Variants in TCF20 observed in about 807,000 individuals in gnomAD.
TCF20 encodes transcription factor 20, also known as SPRE-binding protein.
A neutral mutation model predicts 148.6 loss-of-function variants in TCF20; 3 were observed. That is an observed-to-expected ratio of 0.02 (90% CI 0.01 to 0.05). The LOEUF is 0.05. Ranked by LOEUF, TCF20 falls within the 10% of genes least tolerant of loss-of-function variation. TCF20 has a pLI of 1.00. For missense variants in TCF20, 2,350 were observed against 2,429.3 expected (o/e 0.97, Z 0.69); for synonymous variants, 1,049 against 909.5 (o/e 1.15, Z -2.76).
intron 1 of TCF20, among the ~76,000 whole-genome samples, chr22:42,237,298 ACTTT>A (rs1923974348): frequency 1.3e-5 from 2 of 152,192 alleles, no homozygotes. Flanking sequence ...TCAATAAATC[ACTTT>A]CTTTGCTCAT....
rs1243400183 is a variant in TCF20, at chr22:42,338,544, TA to T, written c.-37+4934del. 1.3e-5 allele frequency among the ~76,000 whole-genome samples: 2 copies of T among 152,124 alleles called. No individual in the cohort carries two copies. Among genetic ancestry groups the T allele is most frequent in the Admixed American group, 6.5e-5 (1 of 15,286 alleles). ...CGAGTGGAAGGGCTGGGAAAATAAT[TA>T]CCGAGGAGGCCCGGGAGGGAGGCGG... is the stretch of plus-strand genomic sequence containing the variant. On this transcript the variant is annotated intron_variant, in intron 1 of 1. Transcript: ENST00000515426. This position sits in a 1 kb window ranked among gnomAD's most constrained non-coding sequence, Gnocchi z 4.0.
chr22:42,323,876 T>C (rs1267379758), intron 1 of TCF20, among the ~76,000 whole-genome samples: 3 of 129,864 alleles, frequency 2.3e-5, no homozygotes, highest in Admixed American at 8.2e-5. Flanking sequence ...GTGGTGGTGG[T>C]GGTGGTGATG....
At chr22:42,168,905 T>C (rs754216337) in intron 4 of TCF20, among the ~76,000 whole-genome samples, 169 bp from the exon 5 acceptor site, 9 of 151,974 alleles carry the variant, frequency 5.9e-5, no homozygotes, top group Non-Finnish European at 1.3e-4. Flanking sequence ...AGGCAAAATG[T>C]GACCCTTAAA....
intron 2 of TCF20, among the ~76,000 whole-genome samples, chr22:42,184,985 T>G (rs1485249807): frequency 6.6e-6 from 1 of 152,224 alleles, no homozygotes; most frequent in Non-Finnish European, 1.5e-5. Context: ...CTGCAAGGAC[T>G]GAGTCAACTA....
intron 2 of TCF20, among the ~76,000 whole-genome samples, chr22:42,192,592 C>A (rs760399384): frequency 1.3e-5 from 2 of 152,134 alleles, no homozygotes; most frequent in Non-Finnish European, 2.9e-5. Context: ...AAGGAACTTT[C>A]AAAAACGAGG....
At chr22:42,183,483 G>T (rs1156620604) in intron 2 of TCF20, among the ~76,000 whole-genome samples, 1 of 152,180 alleles carries the variant, frequency 6.6e-6, no homozygotes, top group African/African-American at 2.4e-5. Context: ...TGCCAGCAGG[G>T]TCATAGGTGC....
chr22:42,267,415 C>T (rs1044984932), intron 1 of TCF20, among the ~76,000 whole-genome samples: 42 of 151,378 alleles, frequency 2.8e-4, no homozygotes, highest in Non-Finnish European at 5.9e-4. Flanking sequence ...AAAGTGTCTA[C>T]TTGTGGGCTG....
intron 1 of TCF20, among the ~76,000 whole-genome samples, chr22:42,263,166 G>A (rs1392274158): frequency 6.6e-6 from 1 of 152,150 alleles, no homozygotes. Flanking sequence ...AGCAAGTGAT[G>A]GAGCCAGGAT....
At chr22:42,315,078 A>C (rs1011739771) in intron 1 of TCF20, among the ~76,000 whole-genome samples, 2 of 152,030 alleles carry the variant, frequency 1.3e-5, no homozygotes, top group Non-Finnish European at 2.9e-5. Flanking sequence ...TTTTTCAGAA[A>C]CCTGGAATCA....
At chr22:42,313,406 C>G (rs376189800) in intron 1 of TCF20, among the ~76,000 whole-genome samples, 2 of 152,156 alleles carry the variant, frequency 1.3e-5, no homozygotes, top group African/African-American at 4.8e-5. Flanking sequence ...GAGCCCTGCC[C>G]GCTGCACTCT....
At chr22:42,222,422 A>G (rs567325647) in intron 1 of TCF20, among the ~76,000 whole-genome samples, 35 of 152,198 alleles carry the variant, frequency 2.3e-4, no homozygotes, top group Admixed American at 2.2e-3. Context: ...TTGGGCTAGA[A>G]TAACACCTGA....
At chr22:42,307,910 T>G (rs77983581) in intron 1 of TCF20, among the ~76,000 whole-genome samples, 1,568 of 152,316 alleles carry the variant, frequency 0.01, 31 homozygotes, top group African/African-American at 0.036. Context: ...GAAGACGAAC[T>G]TCGAGGCACT....
chr22:42,213,391 G>C lies in TCF20; in HGVS notation c.1915C>G (p.Pro639Ala). Reference protein sequence around the residue: ...EDDPAATQRPPSNGGAKETSH... With the variant: ...EDDPAATQRPASNGGAKETSH... Reference sequence around the variant, plus strand: ...GTTTCCTTTGCCCCACCATTGCTAGGTGGCCTTTGAGTGGCTGCAGGATCA... The same window carrying C: ...GTTTCCTTTGCCCCACCATTGCTAGCTGGCCTTTGAGTGGCTGCAGGATCA... The change falls in exon 2 of 6, where the codon CCT becomes GCT. Residue 639 changes from proline to alanine, a missense_variant. Coordinates refer to ENST00000677622, the MANE Select transcript of TCF20 (RefSeq NM_001378418.1). 1 of 1,614,146 alleles carries C rather than the reference G, an allele frequency of 6.2e-7. No individual in the cohort carries two copies. The highest frequency in any genetic ancestry group is 2.2e-5 in the East Asian group (1 of 44,872).
rs768461101 is a variant in TCF20 at position 42,213,449 on chromosome 22, C to A, written c.1857G>T (p.Lys619Asn). The A allele has an allele frequency of 2.2e-5, 36 of 1,614,204 alleles. No homozygotes were observed. In the East Asian group the frequency reaches 7.8e-4, roughly 35 times the overall value. ...SREAMTGRVE[K>N]PGGQDKGSQE... ...GGGAGCCTTTATCTTGTCCACCAGG[C>A]TTTTCTACCCGACCTGTCATGGCTT... The change falls in exon 2 of 6, where the codon AAG becomes AAT. Residue 619 changes from lysine to asparagine, a missense_variant. Physicochemically the swap from Lys to Asn is moderately conservative, Grantham distance 94 (BLOSUM62 0). Transcript: ENST00000677622.
intron 3 of TCF20, among the ~76,000 whole-genome samples, chr22:42,178,145 G>C (rs1193375334): frequency 2.0e-5 from 3 of 152,198 alleles, no homozygotes; most frequent in Admixed American, 2.0e-4. Context: ...CCCCTGGAGA[G>C]AGCATGGACG....
At chr22:42,217,271 C>T (rs956268866) in intron 1 of TCF20, among the ~76,000 whole-genome samples, 1 of 152,184 alleles carries the variant, frequency 6.6e-6, no homozygotes, top group African/African-American at 2.4e-5. Context: ...CACATATCTA[C>T]ATAGGAACTC....
intron 1 of TCF20, among the ~76,000 whole-genome samples, chr22:42,249,056 T>C (rs531513715): frequency 2.4e-4 from 37 of 152,180 alleles, no homozygotes; most frequent in African/African-American, 8.0e-4. Flanking sequence ...GCCCAGGGAG[T>C]ACACAGAAGG....
chr22:42,190,220 A>G (rs1937259876), intron 2 of TCF20, among the ~76,000 whole-genome samples: 1 of 152,086 alleles, frequency 6.6e-6, no homozygotes, highest in African/African-American at 2.4e-5. Context: ...GCACTTTGGG[A>G]GGTTGAGGTG....
Position 42,214,101 on chromosome 22 carries a change from C to T in TCF20, c.1205G>A (p.Ser402Asn). The change falls in exon 2 of 6, where the codon AGT becomes AAT. Residue 402 changes from serine to asparagine, a missense_variant. This residue lies in a region of TCF20 where 1,641 missense variants were observed against 1,662.6 expected (regional missense o/e 0.99). Coordinates refer to ENST00000677622, the MANE Select transcript of TCF20 (RefSeq NM_001378418.1). ...TGENLQCGQG[S>N]VPMGSRNRIL... ...TCTGTTTCTGGAACCCATAGGCACA[C>T]TGCCTTGCCCACACTGGAGATTCTC... 6.2e-7 allele frequency: 1 copy of T among 1,614,204 alleles called. No homozygotes were observed. Among genetic ancestry groups the T allele is most frequent in the Non-Finnish European group, 8.5e-7 (1 of 1,180,040 alleles).
Sources: allele counts gnomAD v4.1 joint callset (sites outside exome capture counted in the v4.1 genomes callset), GRCh38; gene constraint gnomAD v4.1.1; regional missense constraint gnomAD v4.1.1; non-coding constraint Gnocchi (gnomAD v3.1); transcripts MANE v1.5; gene names NCBI Gene and HGNC (gene_info 2026-07-23, HGNC 2026-07-21).